Variants in COL19A1 observed in about 807,000 individuals in gnomAD.
COL19A1 encodes the protein collagen type XIX alpha 1 chain.
Under a neutral mutation model 190.2 loss-of-function variants are expected in COL19A1, and 159 were observed. The ratio of observed to expected loss-of-function variants is 0.84; its 90% CI spans 0.73 to 0.95. COL19A1 has a LOEUF of 0.95. Among genes scored for constraint, COL19A1 ranks in the 40% least tolerant of loss-of-function variants. COL19A1 has a pLI of 0.00. For missense variants in COL19A1, 1,418 were observed against 1,431.9 expected (o/e 0.99, Z 0.16); for synonymous variants, 509 against 458.9 (o/e 1.11, Z -1.39).
chr6:70,104,571 G>A (rs537242812), intron 16 of COL19A1, among the ~76,000 whole-genome samples: 1 of 152,280 alleles, frequency 6.6e-6, no homozygotes, highest in Admixed American at 6.5e-5. Context: ...TTTGGTTGGG[G>A]ACGCAGAGCC....
chr6:69,968,627 T>A (rs1007252413), intron 11 of COL19A1, among the ~76,000 whole-genome samples: 6 of 152,148 alleles, frequency 3.9e-5, no homozygotes, highest in African/African-American at 1.4e-4. Flanking sequence ...AAACAACAGT[T>A]ATGGCTTTAA....
chr6:69,933,214 C>T (rs1772893155), intron 7 of COL19A1, among the ~76,000 whole-genome samples: 1 of 151,970 alleles, frequency 6.6e-6, no homozygotes, highest in Non-Finnish European at 1.5e-5. Flanking sequence ...TCCTTTTCTA[C>T]CCTGTCACCC....
At chr6:70,171,371 A>C (rs1765491697) in intron 40 of COL19A1, among the ~76,000 whole-genome samples, 3 of 152,182 alleles carry the variant, frequency 2.0e-5, no homozygotes, top group Admixed American at 2.0e-4. Flanking sequence ...ACCATACACT[A>C]GAAAATGTAA....
chr6:70,134,793 A>C (rs1238283170), intron 18 of COL19A1, among the ~76,000 whole-genome samples: 1 of 152,228 alleles, frequency 6.6e-6, no homozygotes, highest in South Asian at 2.1e-4. Flanking sequence ...GACCAAATAC[A>C]TGAATTTTTC....
At chr6:70,150,350 A>G (rs985837513) in intron 30 of COL19A1, among the ~76,000 whole-genome samples, 1 of 151,976 alleles carries the variant, frequency 6.6e-6, no homozygotes, top group Admixed American at 6.6e-5. Flanking sequence ...CACGATTTCT[A>G]TTTTTTCTAA....
chr6:69,872,097 G>T (rs1196474321), intron 1 of COL19A1, among the ~76,000 whole-genome samples: 2 of 152,130 alleles, frequency 1.3e-5, no homozygotes, highest in Non-Finnish European at 2.9e-5. Context: ...GATTACAGGC[G>T]TGAGCCACCA....
At chr6:69,874,527 G>A (rs1410127250) in intron 1 of COL19A1, among the ~76,000 whole-genome samples, 2 of 152,070 alleles carry the variant, frequency 1.3e-5, no homozygotes, top group East Asian at 1.9e-4. Flanking sequence ...CAAGGCAGGC[G>A]GATCACAAGG....
intron 11 of COL19A1, among the ~76,000 whole-genome samples, chr6:69,990,040 A>G (rs1800285892): frequency 6.6e-6 from 1 of 152,136 alleles, no homozygotes. Context: ...ATGTGTACAA[A>G]TGATGTATCT....
At chr6:70,196,582 A>G (rs1767211141) in intron 48 of COL19A1, among the ~76,000 whole-genome samples, 1 of 152,196 alleles carries the variant, frequency 6.6e-6, no homozygotes, top group Admixed American at 6.5e-5. Flanking sequence ...CTTCTCTAAA[A>G]TACGTAGTTT....
intron 1 of COL19A1, chr6:69,867,445 G>C (rs1767537745): frequency 6.5e-6 from 1 of 153,062 alleles, no homozygotes; most frequent in Admixed American, 6.5e-5. Flanking sequence ...CGCGGCCCCA[G>C]CCTCTGCCGC....
rs765861340 is a variant in COL19A1 at position 70,188,137 on chromosome 6, A to C, written c.2919A>C (p.Thr973=). The change falls in exon 47 of 51, where the codon ACA becomes ACC. Residue 973 remains threonine, a synonymous_variant. Coordinates refer to ENST00000620364, the MANE Select transcript of COL19A1 (RefSeq NM_001858.6). Reference sequence around the variant, plus strand: ...GTGAACGGGGAAAACCAGGCCTTACAGGCATGAAGGGGGCCATCGGTCCTA... The same window carrying C: ...GTGAACGGGGAAAACCAGGCCTTACCGGCATGAAGGGGGCCATCGGTCCTA... ...SQGERGKPGL[T]GMKGAIGPMG... is the part of the protein sequence containing the mutation. 1.5e-5 allele frequency: 25 copies of C among 1,613,994 alleles called. No homozygotes were observed. Among genetic ancestry groups the C allele is most frequent in the Non-Finnish European group, 2.1e-5 (25 of 1,179,926 alleles).
At chr6:69,871,634 G>A (rs1421164801) in intron 1 of COL19A1, among the ~76,000 whole-genome samples, 1 of 151,468 alleles carries the variant, frequency 6.6e-6, no homozygotes, top group African/African-American at 2.4e-5. Flanking sequence ...TTTGGTGTTG[G>A]CTTTAACACT....
At chr6:70,127,245 A>G (rs1785256241) in intron 17 of COL19A1, among the ~76,000 whole-genome samples, 2 of 152,218 alleles carry the variant, frequency 1.3e-5, no homozygotes, top group African/African-American at 4.8e-5. Flanking sequence ...GGAGAGGGAA[A>G]TGAGTTCAGG....
Position 69,928,010 on chromosome 6 carries a change from T to G in COL19A1, c.368T>G (p.Leu123Ter). ...KKERWFLWQV[L>*]NQQNIPQISI... ...GAACGGTGGTTTCTGTGGCAGGTTT[T>G]AAACCAGCAGAATATTCCACAGGTA... The change falls in exon 5 of 51, where the codon TTA (leucine) becomes TGA (stop). Residue 123 changes from leucine (L) to a stop codon, truncating the protein, a stop_gained. Transcript: ENST00000620364. LOFTEE classifies it high-confidence loss of function. 6.2e-7 allele frequency: 1 copy of G among 1,613,198 alleles called. No individual in the cohort carries two copies. Among genetic ancestry groups the G allele is most frequent in the Non-Finnish European group, 8.5e-7 (1 of 1,179,468 alleles).
At chr6:69,899,143 A>G (rs1169789454) in intron 3 of COL19A1, 121 bp downstream of exon 3, 2 of 643,076 alleles carry the variant, frequency 3.1e-6, no homozygotes, top group East Asian at 5.6e-5. Flanking sequence ...CATTAACGTG[A>G]AAATTTTAAG....
chr6:70,081,799 A>G (rs1261205895), intron 15 of COL19A1, among the ~76,000 whole-genome samples: 2 of 152,192 alleles, frequency 1.3e-5, no homozygotes, highest in Non-Finnish European at 2.9e-5. Flanking sequence ...CAAGTTAAGA[A>G]ACCAGTTTAT....
intron 46 of COL19A1, 81 bp downstream of exon 46, chr6:70,184,996 G>A: frequency 1.5e-6 from 2 of 1,332,360 alleles, no homozygotes; most frequent in Non-Finnish European, 2.1e-6. Context: ...AATTATGTGT[G>A]TAGACCCCTG....
chr6:70,077,287 T>C (rs1162427354), intron 15 of COL19A1, among the ~76,000 whole-genome samples: 1 of 152,232 alleles, frequency 6.6e-6, no homozygotes, highest in East Asian at 1.9e-4. Context: ...TGTGATGCCA[T>C]AATTCTTTAA....
At chr6:70,162,133 T>C (rs1787847335) in intron 35 of COL19A1, among the ~76,000 whole-genome samples, 180 bp downstream of exon 35, 1 of 152,204 alleles carries the variant, frequency 6.6e-6, no homozygotes, top group Non-Finnish European at 1.5e-5. Flanking sequence ...TTAAGGCTAC[T>C]CAGTGTCCTG....
Sources: allele counts gnomAD v4.1 joint callset (sites outside exome capture counted in the v4.1 genomes callset), GRCh38; gene constraint gnomAD v4.1.1; transcripts MANE v1.5; gene names NCBI Gene and HGNC (gene_info 2026-07-23, HGNC 2026-07-21).